Variants in DCT observed in about 807,000 individuals in gnomAD.
The protein encoded by DCT is dopachrome tautomerase.
In DCT, 47 loss-of-function variants were observed where a neutral mutation model predicts 53.0. The observed-to-expected ratio is 0.89, with a 90% CI of 0.70 to 1.13. The LOEUF (loss-of-function observed/expected upper bound fraction) is 1.13, where lower values mean the gene tolerates loss of function less well. DCT is among the 50% of genes most tolerant of loss of function. The pLI is 0.00. For synonymous variants in DCT, 244 were observed against 237.0 expected, an observed-to-expected ratio of 1.03 and a Z score of -0.27; for missense variants, 669 against 637.4, an observed-to-expected ratio of 1.05 and a Z score of -0.53.
Position 94,440,025 on chromosome 13 carries a change from C to A in DCT, c.1433G>T (p.Gly478Val). 6.2e-7 allele frequency: 1 copy of A among 1,614,050 alleles called. No individual in the cohort carries two copies. The highest frequency in any genetic ancestry group is 8.5e-7 in the Non-Finnish European group (1 of 1,179,944). Residue 478 changes from glycine (G) to valine (V), a missense_variant, in exon 8 of 8, where the codon GGA becomes GTA. Gly to Val is a moderately radical substitution (Grantham distance 109). Transcript: ENST00000377028. ...GWPTTLLVVMGTLVALVGLFV... is the reference protein window; with the variant it reads ...GWPTTLLVVMVTLVALVGLFV... ...AAGACCAACCAAAGCCACCAGTGTTCCCATGACTACTAAGAGAGTTGTGGG... is the reference window on the plus strand; with the variant it reads ...AAGACCAACCAAAGCCACCAGTGTTACCATGACTACTAAGAGAGTTGTGGG...
intron 4 of DCT, chr13:94,465,358 C>A: frequency 4.4e-6 from 1 of 227,156 alleles, no homozygotes; most frequent in South Asian, 1.1e-4. Context: ...AAGGCAAAAA[C>A]CGCAATTACA....
At position 94,439,866 on chromosome 13, in the gene DCT, C is replaced by T; in HGVS notation, c.*32G>A. 6.4e-7 allele frequency: 1 copy of T among 1,569,474 alleles called. No individual in the cohort carries two copies. Among genetic ancestry groups the T allele is most frequent in the Non-Finnish European group, 8.7e-7 (1 of 1,153,366 alleles). ...GTCAGCGTCAGAACTGTGGCTTGGC[C>T]AGCCTCTTCTCTTAGGTAAGGCATG... On this transcript the variant is annotated 3_prime_UTR_variant, in exon 8 of 8. Transcript: ENST00000377028.
chr13:94,488,723 TACACACACACACACACACACACAC>T, the DCT span, among the ~76,000 whole-genome samples: 2 of 139,130 alleles, frequency 1.4e-5, no homozygotes, highest in Non-Finnish European at 3.1e-5. Context: ...GTCTAATATA[TACACACACACACACACACACACAC>T]ACACACACAC....
the DCT span, among the ~76,000 whole-genome samples, chr13:94,506,834 A>C: frequency 1.1e-4 from 16 of 152,234 alleles, no homozygotes; most frequent in Non-Finnish European, 1.9e-4. Context: ...TATCATGTAC[A>C]TCCTGTTATT....
In DCT at chr13:94,466,557, C is replaced by T; in HGVS notation, c.696+1G>A. 6.3e-7 allele frequency: 1 copy of T among 1,596,722 alleles called. No individual in the cohort carries two copies. Among genetic ancestry groups the T allele is most frequent in the Admixed American group, 1.7e-5 (1 of 57,896 alleles). ...GAACTAAATGCATAGTTTTGACCTA[C>T]CTGGAGATCTCTTTCCAGACACAAC... On this transcript the variant is annotated splice_donor_variant, in intron 3 of 7. Coordinates refer to ENST00000377028, the MANE Select transcript of DCT (RefSeq NM_001922.5). LOFTEE classifies it high-confidence loss of function.
chr13:94,467,380 T>C (rs1884290427), intron 2 of DCT: 3 of 152,218 alleles, frequency 2.0e-5, no homozygotes, highest in South Asian at 2.1e-4. Context: ...TAGCTAACTT[T>C]AGTTCTTGTC....
intron 4 of DCT, 40 bp downstream of exon 4, chr13:94,465,593 G>A (rs1884118883): frequency 1.9e-6 from 3 of 1,596,720 alleles, no homozygotes; most frequent in Non-Finnish European, 2.6e-6. Context: ...CATCAGAAAA[G>A]ACAATCTCTG....
the DCT span, among the ~76,000 whole-genome samples, chr13:94,524,853 G>A: frequency 1.1e-4 from 16 of 152,198 alleles, no homozygotes; most frequent in South Asian, 2.5e-3. Context: ...TCACAAGGGC[G>A]GGCCCTAATC....
At position 94,468,989 on chromosome 13, in the gene DCT, A is replaced by G. The variant is rs1297582042; in HGVS notation, c.352T>C (p.Cys118Arg). The G allele has an allele frequency of 1.2e-6, 2 of 1,614,192 alleles. No individual in the cohort carries two copies. The highest frequency in any genetic ancestry group is 1.7e-6 in the Non-Finnish European group (2 of 1,180,028). ...DCKFGWTGPN[C>R]ERKKPPVIRQ... ...ATCACTGGTGGTTTCTTCCGCTCGC[A>G]GTTGGGACCGGTCCAGCCAAACTTG... The change falls in exon 2 of 8, where the codon TGC becomes CGC. Residue 118 changes from cysteine to arginine, a missense_variant. Physicochemically the swap from Cys to Arg is radical, Grantham distance 180. Coordinates refer to ENST00000377028, the MANE Select transcript of DCT (RefSeq NM_001922.5).
the DCT span, among the ~76,000 whole-genome samples, chr13:94,500,336 G>A: frequency 2.0e-5 from 3 of 152,194 alleles, no homozygotes; most frequent in Non-Finnish European, 4.4e-5. Flanking sequence ...GAAAATGAGA[G>A]CCAACAACAG....
chr13:94,531,324 C>G, the DCT span, among the ~76,000 whole-genome samples: 6 of 152,162 alleles, frequency 3.9e-5, no homozygotes, highest in Non-Finnish European at 7.4e-5. Context: ...AAAGAGCCCA[C>G]AATGCCAAGA....
chr13:94,445,713 G>C (rs1594275124), intron 6 of DCT: 1 of 1,579,976 alleles, frequency 6.3e-7, no homozygotes, highest in Non-Finnish European at 8.6e-7. Flanking sequence ...CCAGGCTCAT[G>C]GTTACCAGCA....
At chr13:94,485,125 TG>T in the DCT span, among the ~76,000 whole-genome samples, 1 of 6,586 alleles carries the variant, frequency 1.5e-4, no homozygotes, top group Non-Finnish European at 2.8e-4. Context: ...GGCACTCTGC[TG>T]GGGGGCGGTG....
the DCT span, among the ~76,000 whole-genome samples, chr13:94,511,640 G>A: frequency 6.6e-5 from 10 of 152,034 alleles, no homozygotes; most frequent in South Asian, 6.2e-4. Context: ...GATTACAGGC[G>A]TGAGCCACCG....
the DCT span, among the ~76,000 whole-genome samples, chr13:94,508,896 A>G: frequency 1.3e-5 from 2 of 152,044 alleles, no homozygotes; most frequent in African/African-American, 4.8e-5. Flanking sequence ...AAAACAGGGG[A>G]TTGGTACTTA....
the DCT span, among the ~76,000 whole-genome samples, chr13:94,498,193 G>T: frequency 5.3e-5 from 8 of 152,290 alleles, no homozygotes; most frequent in African/African-American, 1.9e-4. Flanking sequence ...ACTAGATGAA[G>T]CCCCCTGGCT....
chr13:94,469,105 C>G, intron 1 of DCT, 60 bp from the exon 2 acceptor site: 6 of 1,422,552 alleles, frequency 4.2e-6, no homozygotes, highest in Non-Finnish European at 5.9e-6. Context: ...GAAGAAATTT[C>G]TGAATTTGTA....
At chr13:94,494,875 T>C in the DCT span, among the ~76,000 whole-genome samples, 2 of 152,226 alleles carry the variant, frequency 1.3e-5, no homozygotes, top group East Asian at 1.9e-4. Context: ...TATTTTTTCA[T>C]ATGATTTTGA....
intron 4 of DCT, among the ~76,000 whole-genome samples, chr13:94,462,806 G>T (rs1883901174): frequency 6.6e-6 from 1 of 152,202 alleles, no homozygotes; most frequent in Admixed American, 6.5e-5. Context: ...GTGTGCATTT[G>T]AATCTTGAGT....
Sources: gnomAD v4.1 joint callset for allele counts (sites outside exome capture counted in the v4.1 genomes callset) on GRCh38, gnomAD v4.1.1 for gene constraint, MANE v1.5 for transcripts, NCBI Gene and HGNC (gene_info 2026-07-23, HGNC 2026-07-21) for gene names.